GABRA3: variants seen among roughly 807,000 people sequenced by gnomAD.
GABRA3 encodes gamma-aminobutyric acid receptor subunit alpha-3.
A neutral mutation model predicts 30.1 loss-of-function variants in GABRA3; 10 were observed. That is an observed-to-expected ratio of 0.33 (90% confidence interval 0.20 to 0.56). The LOEUF (loss-of-function observed/expected upper bound fraction) is 0.56, where lower values mean the gene tolerates loss of function less well. GABRA3 is among the 20% of genes least tolerant of loss of function. GABRA3 has a pLI of 0.89. For synonymous variants in GABRA3, 151 were observed against 146.8 expected, an observed-to-expected ratio of 1.03 and a Z score of -0.21; for missense variants, 233 against 392.0, an observed-to-expected ratio of 0.59 and a Z score of 3.42.
chrX:152,235,957 C>CT (rs56004323), intron 5 of GABRA3, among the ~76,000 whole-genome samples: 134 of 76,392 alleles, frequency 1.8e-3, no homozygotes, highest in Admixed American at 2.6e-3. Context: ...TATTTGATTT[C>CT]TTTTTTTTTT....
chrX:152,246,046 G>A (rs1001754019), intron 5 of GABRA3, among the ~76,000 whole-genome samples: 26 of 111,803 alleles, frequency 2.3e-4, no homozygotes, highest in African/African-American at 8.1e-4. Context: ...TATCCCAAAA[G>A]AAGAGACCGA....
chrX:152,241,568 G>A (rs367652683), intron 5 of GABRA3, among the ~76,000 whole-genome samples: 1 of 109,121 alleles, frequency 9.2e-6, no homozygotes, highest in Non-Finnish European at 1.9e-5. Flanking sequence ...GTTTACCTAA[G>A]CAAGCCTGGG....
rs201389544 is a variant in GABRA3 at position 152,417,118 on chromosome X, C to A, written c.-27+34028G>T. Among the ~76,000 whole-genome samples the A allele has an allele frequency of 1.8e-3, 187 of 106,649 alleles. 3 individuals carry two copies. In the East Asian group the frequency reaches 0.05, roughly 29 times the overall value. 92.6% of individuals were successfully genotyped at this position (106,649 alleles called of 115,157 possible). ...ACAAAATGGGAGAAAATTTTCGCAA[C>A]CTACTCATCTGACAAAGGGCTAATG... On this transcript the variant is annotated intron_variant, in intron 1 of 9. Transcript: ENST00000370314.
chrX:152,331,716 T>A (rs753994636), intron 3 of GABRA3, among the ~76,000 whole-genome samples: 1 of 111,153 alleles, frequency 9.0e-6, no homozygotes, highest in East Asian at 2.9e-4. Flanking sequence ...GGTCAACAAG[T>A]AAAGGGACAG....
chrX:152,228,135 C>A (rs1346165740), intron 5 of GABRA3, among the ~76,000 whole-genome samples: 1 of 111,464 alleles, frequency 9.0e-6, no homozygotes, highest in African/African-American at 3.3e-5. Context: ...GTACATTAGC[C>A]TGAATACAGT....
intron 8 of GABRA3, 148 bp from the exon 9 acceptor site, chrX:152,190,089 G>A: frequency 4.5e-6 from 2 of 440,542 alleles, no homozygotes; most frequent in Middle Eastern, 6.3e-4. Context: ...AAAAAACACT[G>A]GACTATCAAA....
intron 9 of GABRA3, among the ~76,000 whole-genome samples, chrX:152,184,053 T>C (rs1287179921): frequency 3.6e-5 from 4 of 111,435 alleles, no homozygotes; most frequent in Non-Finnish European, 7.6e-5. Flanking sequence ...TACTTCTCTA[T>C]TGAAATTTTT....
At chrX:152,269,375 T>C (rs973168737) in intron 4 of GABRA3, among the ~76,000 whole-genome samples, 8 of 112,321 alleles carry the variant, frequency 7.1e-5, no homozygotes, top group Middle Eastern at 4.2e-3. Flanking sequence ...CACTCATTGA[T>C]TGACAGAATT....
chrX:152,413,954 T>C (rs774013539), intron 1 of GABRA3, among the ~76,000 whole-genome samples: 2 of 110,380 alleles, frequency 1.8e-5, no homozygotes, highest in Non-Finnish European at 3.8e-5. Flanking sequence ...ACAAGATCAA[T>C]ATGCGAAAAA....
At chrX:152,257,069 C>A (rs1938648785) in intron 4 of GABRA3, among the ~76,000 whole-genome samples, 1 of 110,838 alleles carries the variant, frequency 9.0e-6, no homozygotes, top group South Asian at 3.8e-4. Flanking sequence ...ATAGGAGAGA[C>A]CCTGGGGCCC....
chrX:152,274,858 A>AC (rs1335041571), intron 4 of GABRA3, among the ~76,000 whole-genome samples: 3 of 107,688 alleles, frequency 2.8e-5, no homozygotes, highest in Non-Finnish European at 5.7e-5. Flanking sequence ...GATGAACAAA[A>AC]CAAAAAAAGG....
intron 3 of GABRA3, among the ~76,000 whole-genome samples, chrX:152,322,635 G>A (rs5925160): frequency 9.3e-6 from 1 of 107,942 alleles, no homozygotes; most frequent in Non-Finnish European, 1.9e-5. Flanking sequence ...CCGGGTTGAA[G>A]CAATTCTCCT....
chrX:152,350,882 T>C (rs952132286), intron 2 of GABRA3, among the ~76,000 whole-genome samples: 2 of 112,306 alleles, frequency 1.8e-5, no homozygotes, highest in African/African-American at 6.5e-5. Flanking sequence ...TGTTGTATTG[T>C]AAGGATGAAA....
chrX:152,416,928 GA>G (rs1930240514), intron 1 of GABRA3, among the ~76,000 whole-genome samples: 1 of 105,763 alleles, frequency 9.5e-6, no homozygotes, highest in South Asian at 4.5e-4. Context: ...AACCCTAGAA[GA>G]AAACCTAGGC....
At chrX:152,394,322 G>A (rs1237851185) in intron 1 of GABRA3, 2 of 346,108 alleles carry the variant, frequency 5.8e-6, no homozygotes, top group South Asian at 2.7e-5. Flanking sequence ...AATATGCTGT[G>A]ATTCTTCTGA....
At chrX:152,235,851 A>T (rs1198845403) in intron 5 of GABRA3, among the ~76,000 whole-genome samples, 1 of 111,055 alleles carries the variant, frequency 9.0e-6, no homozygotes, top group Non-Finnish European at 1.9e-5. Flanking sequence ...AGAAATAGAA[A>T]GAAATCATAA....
At chrX:152,434,405 T>C (rs1158536349) in intron 1 of GABRA3, among the ~76,000 whole-genome samples, 1 of 111,368 alleles carries the variant, frequency 9.0e-6, no homozygotes, top group Non-Finnish European at 1.9e-5. Flanking sequence ...CAGCCTATTG[T>C]GGGACCTTGT....
At chrX:152,302,992 ACATTGACTCCATGTCTTTTCTAT>A (rs1487410546) in intron 3 of GABRA3, among the ~76,000 whole-genome samples, 1 of 112,011 alleles carries the variant, frequency 8.9e-6, no homozygotes, top group Non-Finnish European at 1.9e-5. Context: ...ATGGAGACCT[ACATTGACTCCATGTCTTTTCTAT>A]TGTGAATAGT....
intron 4 of GABRA3, among the ~76,000 whole-genome samples, chrX:152,260,216 A>T (rs1391781788): frequency 9.0e-6 from 1 of 111,374 alleles, no homozygotes; most frequent in African/African-American, 3.3e-5. Context: ...GCTCAGCTGC[A>T]GTACAAGAGA....
Sources: allele counts gnomAD v4.1 joint callset (sites outside exome capture counted in the v4.1 genomes callset), GRCh38; gene constraint gnomAD v4.1.1; transcripts MANE v1.5; gene names NCBI Gene and HGNC (gene_info 2026-07-23, HGNC 2026-07-21).